The following ZNF239 variants were observed in gnomAD, a reference collection of about 807,000 sequenced individuals.
ZNF239 encodes zinc finger protein 239, also known as zinc finger protein (C2H2) homologous to mouse MOK-2.
In ZNF239, 16 loss-of-function variants were observed where a neutral mutation model predicts 27.5. That is an observed-to-expected ratio of 0.58 (90% CI 0.39 to 0.88). ZNF239 has a LOEUF of 0.88. Among genes scored for constraint, ZNF239 ranks in the 40% least tolerant of loss-of-function variants. ZNF239 has a pLI of 0.00. For missense variants in ZNF239, 527 were observed against 551.9 expected (o/e 0.95, Z 0.45); for synonymous variants, 199 against 192.6 (o/e 1.03, Z -0.27).
rs771676428 is a variant in ZNF239 at position 43,557,345 on chromosome 10, T to C, written c.735A>G (p.Thr245=). The C allele has an allele frequency of 1.1e-5, 17 of 1,613,244 alleles. No individual in the cohort carries two copies. The South Asian group carries it at 1.6e-4, about 16-fold the overall frequency. The change falls in exon 4 of 4, where the codon ACA becomes ACG. Residue 245 remains threonine, a synonymous_variant. Transcript: ENST00000374446. The stretch of plus-strand genomic sequence containing the variant: ...GATGGATAAGCAGACTCGAGCTCCT[T>C]GTGAAGCCCTTCCCACATTGCTCAC... The part of the protein sequence containing the change: ...YKCEQCGKGF[T]RSSSLLIHQA...
chr10:43,567,901 A>T lies in ZNF239; in HGVS notation c.-95T>A. On this transcript the variant is annotated splice_region_variant and 5_prime_UTR_variant, in exon 3 of 4. It adds an upstream start codon to the 5' untranslated region. Transcript: ENST00000374446. ...CAAGTTCACATGTCCTTACCCACCAAGACCAAGTTTCTGTAGTTGCCCAGC... is the reference window on the plus strand; with the variant it reads ...CAAGTTCACATGTCCTTACCCACCATGACCAAGTTTCTGTAGTTGCCCAGC... 1 of 985,844 alleles carries T rather than the reference A, an allele frequency of 1.0e-6. No homozygotes were observed. The highest frequency in any genetic ancestry group is 1.2e-6 in the Non-Finnish European group (1 of 829,958). 61.1% of individuals were successfully genotyped at this position (985,844 alleles called of 1,614,324 possible).
rs1836913345 is a variant in ZNF239, at chr10:43,557,876, G to C, written c.204C>G (p.Val68=). The C allele has an allele frequency of 6.2e-7, 1 of 1,614,054 alleles. No individual in the cohort carries two copies. The highest frequency in any genetic ancestry group is 1.3e-5 in the African/African-American group (1 of 74,924). The change falls in exon 4 of 4, where the codon GTC becomes GTG. Residue 68 remains valine (V), a synonymous_variant. Coordinates refer to ENST00000374446, the MANE Select transcript of ZNF239 (RefSeq NM_001099282.2). ...AGTCTTGTGTGTCTATTTGGCTTGA[G>C]ACTTTCAAAGGCAAATATGTTTCAC... is the stretch of plus-strand genomic sequence containing the variant. The part of the protein sequence containing the change: ...IESETYLPLK[V]SSQIDTQDSS...
chr10:43,557,211 G>C lies in ZNF239; in HGVS notation c.869C>G (p.Pro290Arg). The C allele has an allele frequency of 1.9e-6, 3 of 1,614,038 alleles. No homozygotes were observed. The highest frequency in any genetic ancestry group is 2.5e-6 in the Non-Finnish European group (3 of 1,179,996). ...CTTCCCACACTTGTCACATTTATAA[G>C]GTTTTTCGCCTGTATGGACGGCATG... is the stretch of plus-strand genomic sequence containing the variant. ...IHHAVHTGEK[P>R]YKCDKCGKGF... is the part of the protein sequence containing the mutation. Residue 290 changes from proline to arginine, a missense_variant, in exon 4 of 4, where the codon CCT (proline) becomes CGT (arginine). By Grantham distance (103) the Pro-to-Arg change is moderately radical (BLOSUM62 -2). Transcript: ENST00000374446.
chr10:43,557,796 A>G lies in ZNF239; in HGVS notation c.284T>C (p.Leu95Pro). 6.2e-7 allele frequency: 1 copy of G among 1,614,210 alleles called. No homozygotes were observed. Among genetic ancestry groups the G allele is most frequent in the East Asian group, 2.2e-5 (1 of 44,886 alleles). The change falls in exon 4 of 4, where the codon CTC (leucine) becomes CCC (proline). Residue 95 changes from leucine to proline, a missense_variant. Physicochemically the swap from Leu to Pro is moderately conservative, Grantham distance 98. Coordinates refer to ENST00000374446, the MANE Select transcript of ZNF239 (RefSeq NM_001099282.2). ...EPQDHQESRR[L>P]FVMEESTERK... Reference sequence around the variant, plus strand: ...CTCAGTGCTTTCTTCCATTACAAAGAGACGTCTGCTTTCCTGATGATCCTG... The same window carrying G: ...CTCAGTGCTTTCTTCCATTACAAAGGGACGTCTGCTTTCCTGATGATCCTG...
intron 3 of ZNF239, among the ~76,000 whole-genome samples, chr10:43,561,431 T>C (rs762616208): frequency 2.6e-5 from 4 of 152,148 alleles, no homozygotes; most frequent in Admixed American, 6.5e-5. Context: ...ATGAGAATTA[T>C]ATTGACACTG....
chr10:43,564,411 G>T, intron 3 of ZNF239: 2 of 295,350 alleles, frequency 6.8e-6, no homozygotes, highest in Non-Finnish European at 1.0e-5. Flanking sequence ...TATTTTAAGC[G>T]TTAAACAGAA....
chr10:43,557,459 G>GT lies in ZNF239; in HGVS notation c.620dup (p.Tyr207Ter), dbSNP rs762637987. 6.2e-7 allele frequency: 1 copy of GT among 1,614,082 alleles called. No individual in the cohort carries two copies. The highest frequency in any genetic ancestry group is 2.2e-5 in the East Asian group (1 of 44,874). ...YEKIHTAEKQ[Y>*]ECSQCGKNFS... ...AGTTCTTACCACACTGACTACATTC[G>GT]TATTGTTTCTCTGCAGTGTGGATTT... The change falls in exon 4 of 4, where the codon TAC becomes TAAC. Residue 207 changes from tyrosine to a stop codon, truncating the protein, a stop_gained and frameshift_variant. Coordinates refer to ENST00000374446, the MANE Select transcript of ZNF239 (RefSeq NM_001099282.2). LOFTEE classifies it high-confidence loss of function.
chr10:43,564,321 T>C (rs2132268952), intron 3 of ZNF239: 2 of 981,018 alleles, frequency 2.0e-6, no homozygotes, highest in Non-Finnish European at 2.4e-6. Flanking sequence ...TCATAAATGA[T>C]GTTTAAAGGA....
chr10:43,573,268 T>C (rs745854281), intron 2 of ZNF239, among the ~76,000 whole-genome samples: 1 of 152,214 alleles, frequency 6.6e-6, no homozygotes, highest in Non-Finnish European at 1.5e-5. Flanking sequence ...AAAAGCACCG[T>C]GGTTTATCAT....
At position 43,558,292 on chromosome 10, in the gene ZNF239, A is replaced by G; in HGVS notation, c.-92-121T>C. ...AAAAGTTCAGCTTGTCTTTATAGTC[A>G]TGTCCTTTGGGTTAAGGTCAGGTAC... On this transcript the variant is annotated intron_variant, in intron 3 of 3. Coordinates refer to ENST00000374446, the MANE Select transcript of ZNF239 (RefSeq NM_001099282.2). 3.2e-6 allele frequency: 3 copies of G among 928,066 alleles called. No homozygotes were observed. In the East Asian group the frequency reaches 8.2e-5, roughly 25 times the overall value. The allele number at this position is 928,066 out of a possible 1,614,324, so 57.5% of individuals were successfully genotyped here. A position where few individuals can be genotyped will look rare whatever the true frequency, so the allele number is the denominator to read the frequency against.
At chr10:43,564,145 A>T in intron 3 of ZNF239, 1 of 231,900 alleles carries the variant, frequency 4.3e-6, no homozygotes, top group Non-Finnish European at 7.1e-6. Context: ...CTCCCTAGCC[A>T]CCTGTTTAAA....
Position 43,558,286 on chromosome 10 carries a change from A to T in ZNF239, c.-92-115T>A. The T allele has an allele frequency of 1.2e-5, 12 of 965,134 alleles. No individual in the cohort carries two copies. In the South Asian group the frequency reaches 2.4e-4, roughly 19 times the overall value. 59.8% of individuals were successfully genotyped at this position (965,134 alleles called of 1,614,324 possible). A position where few individuals can be genotyped will look rare whatever the true frequency, so the allele number is the denominator to read the frequency against. ...CTAGGAAAAAGTTCAGCTTGTCTTT[A>T]TAGTCATGTCCTTTGGGTTAAGGTC... On this transcript the variant is annotated intron_variant, in intron 3 of 3. Transcript: ENST00000374446.
At chr10:43,558,384 C>G (rs1836963311) in intron 3 of ZNF239, among the ~76,000 whole-genome samples, 1 of 152,158 alleles carries the variant, frequency 6.6e-6, no homozygotes. Flanking sequence ...AAAGTCTTCC[C>G]TAACTAATCC....
At chr10:43,560,829 A>C (rs1004538814) in intron 3 of ZNF239, among the ~76,000 whole-genome samples, 6 of 152,138 alleles carry the variant, frequency 3.9e-5, no homozygotes, top group African/African-American at 1.4e-4. Flanking sequence ...TTTTGAAAAA[A>C]TATATAAGGA....
chr10:43,569,450 T>C (rs1055206032), intron 2 of ZNF239, among the ~76,000 whole-genome samples: 3 of 148,442 alleles, frequency 2.0e-5, no homozygotes, highest in Non-Finnish European at 4.4e-5. Flanking sequence ...TCCTGGCCCA[T>C]GAGGCTCTCC....
Position 43,556,693 on chromosome 10 carries a change from C to T in ZNF239, c.*10G>A. ...TGAGCGCTGTGAAGACCTGAATGGG[C>T]TAATGTCAGTTAGCGAGGATCTTTC... On this transcript the variant is annotated 3_prime_UTR_variant, in exon 4 of 4. Transcript: ENST00000374446. 1 of 1,610,004 alleles carries T rather than the reference C, an allele frequency of 6.2e-7. No individual in the cohort carries two copies. The highest frequency in any genetic ancestry group is 8.5e-7 in the Non-Finnish European group (1 of 1,177,850).
Position 43,557,603 on chromosome 10 carries a change from T to C in ZNF239, c.477A>G (p.Gly159=). Residue 159 remains glycine (G), a synonymous_variant, in exon 4 of 4, where the codon GGA becomes GGG. Coordinates refer to ENST00000374446, the MANE Select transcript of ZNF239 (RefSeq NM_001099282.2). The part of the protein sequence containing the change: ...PIDCNCKDIH[G]WKSQVVSCSQ... ...TACAACTGACCACCTGTGATTTCCA[T>C]CCATGAATGTCTTTGCAGTTACAGT... 6.2e-7 allele frequency: 1 copy of C among 1,614,188 alleles called. No homozygotes were observed. The highest frequency in any genetic ancestry group is 1.1e-5 in the South Asian group (1 of 91,092).
intron 3 of ZNF239, among the ~76,000 whole-genome samples, chr10:43,562,473 C>G (rs916474545): frequency 5.3e-5 from 8 of 152,222 alleles, no homozygotes; most frequent in Non-Finnish European, 1.2e-4. Context: ...TAGACAAGAG[C>G]TACAGACATG....
intron 1 of ZNF239, among the ~76,000 whole-genome samples, chr10:43,574,238 A>G (rs1483600884): frequency 2.0e-5 from 3 of 152,212 alleles, no homozygotes; most frequent in African/African-American, 7.2e-5. Context: ...CGAAGCCCCC[A>G]GCCGGCCCAG....
Sources: gnomAD v4.1 joint callset for allele counts (sites outside exome capture counted in the v4.1 genomes callset) on GRCh38, gnomAD v4.1.1 for gene constraint, MANE v1.5 for transcripts, NCBI Gene and HGNC (gene_info 2026-07-23, HGNC 2026-07-21) for gene names.